PHLPP1: variants seen among roughly 807,000 people sequenced by gnomAD.
PHLPP1 encodes the protein PH domain and leucine rich repeat protein phosphatase 1, also known as PH domain leucine-rich repeat-containing protein phosphatase 1.
A neutral mutation model predicts 117.2 loss-of-function variants in PHLPP1; 42 were observed. That is an observed-to-expected ratio of 0.36 (90% CI 0.28 to 0.46). The LOEUF (loss-of-function observed/expected upper bound fraction) is 0.46, where lower values mean the gene tolerates loss of function less well. Among genes scored for constraint, PHLPP1 ranks in the 20% least tolerant of loss-of-function variants. The probability of loss-of-function intolerance (pLI) is 1.00; values close to 1 mark genes in which losing one functional copy is unlikely to be tolerated. For missense variants in PHLPP1, 2,084 were observed against 2,241.9 expected, an observed-to-expected ratio of 0.93 and a Z score of 1.42; for synonymous variants, 1,042 against 970.7, an observed-to-expected ratio of 1.07 and a Z score of -1.37.
intron 10 of PHLPP1, among the ~76,000 whole-genome samples, chr18:62,928,096 G>A (rs560169): frequency 0.59 from 89,791 of 151,894 alleles, 26,757 homozygotes; most frequent in Middle Eastern, 0.68. Flanking sequence ...GATTGACTCA[G>A]GGTTTTTATA....
chr18:62,835,757 G>C (rs1370811372), intron 2 of PHLPP1, among the ~76,000 whole-genome samples: 1 of 149,050 alleles, frequency 6.7e-6, no homozygotes, highest in Middle Eastern at 3.2e-3. Context: ...TTCTTTATCT[G>C]AGGTAAATTC....
At chr18:62,963,303 A>G in intron 13 of PHLPP1, 65 bp from the exon 14 acceptor site, 1 of 1,044,830 alleles carries the variant, frequency 9.6e-7, no homozygotes, top group Admixed American at 2.0e-5. Context: ...TTTCTTGGAT[A>G]AAGGTAGCAA....
chr18:62,963,382 T>G lies in PHLPP1; in HGVS notation c.3470T>G (p.Phe1157Cys). ...TLELLNNIRC[F>C]KIDQPSTGDA... ...TCTCTTGTTAGTAATATCCGCTGTT[T>G]CAAGATTGATCAGCCTTCTACAGGA... The change falls in exon 14 of 17, where the codon TTC (phenylalanine) becomes TGC (cysteine). Residue 1157 changes from phenylalanine (F) to cysteine (C), a missense_variant. This residue lies in a region of PHLPP1 where 1,365 missense variants were observed against 1,605.9 expected (regional missense o/e 0.85). Coordinates refer to ENST00000262719, the MANE Select transcript of PHLPP1 (RefSeq NM_194449.4). The G allele has an allele frequency of 6.2e-7, 1 of 1,612,148 alleles. No homozygotes were observed. The highest frequency in any genetic ancestry group is 1.3e-5 in the African/African-American group (1 of 75,018).
chr18:62,744,331 G>A (rs12956953), intron 1 of PHLPP1, among the ~76,000 whole-genome samples: 8,332 of 152,294 alleles, frequency 0.055, 254 homozygotes, highest in Non-Finnish European at 0.07. Context: ...GAGGAACAGA[G>A]ATTACCTTTA....
chr18:62,836,741 T>TAA (rs547024910), intron 2 of PHLPP1, among the ~76,000 whole-genome samples: 18 of 139,210 alleles, frequency 1.3e-4, no homozygotes, highest in East Asian at 1.0e-3. Flanking sequence ...TTTGAGACAT[T>TAA]AAAAAAAAAA....
intron 1 of PHLPP1, among the ~76,000 whole-genome samples, chr18:62,773,652 C>T (rs1048842997): frequency 6.6e-6 from 1 of 152,170 alleles, no homozygotes; most frequent in African/African-American, 2.4e-5. Flanking sequence ...GTATCTCCAC[C>T]CTAAATGTTG....
In PHLPP1 at chr18:62,716,226, C is replaced by A. The variant is rs1417128182; in HGVS notation, c.543C>A (p.His181Gln). 1 of 1,528,548 alleles carries A rather than the reference C, an allele frequency of 6.5e-7. No individual in the cohort carries two copies. Among genetic ancestry groups the A allele is most frequent in the African/African-American group, 1.4e-5 (1 of 72,098 alleles). The allele number at this position is 1,528,548 out of a possible 1,614,324, so 94.7% of individuals were successfully genotyped here. A position where few individuals can be genotyped will look rare whatever the true frequency, so the allele number is the denominator to read the frequency against. ...ACAGGAAGACGCTGCTTCTGAAGCA[C>A]CGGCAGACGCTGCAGCTGCAGCCGT... ...SLDRKTLLLKHRQTLQLQPSD... is the reference protein window; with the variant it reads ...SLDRKTLLLKQRQTLQLQPSD... The change falls in exon 1 of 17, where the codon CAC (histidine) becomes CAA (glutamine). Residue 181 changes from histidine (H) to glutamine (Q), a missense_variant. Physicochemically the swap from His to Gln is conservative, Grantham distance 24 (BLOSUM62 0). This residue lies in a region of PHLPP1 where 719 missense variants were observed against 636.0 expected (regional missense o/e 1.13). Transcript: ENST00000262719. This position sits in a 1 kb window ranked among gnomAD's most constrained non-coding sequence, Gnocchi z 5.7.
chr18:62,792,868 C>CAAAAAAAAAA (rs71160870), intron 1 of PHLPP1, among the ~76,000 whole-genome samples: 8 of 56,846 alleles, frequency 1.4e-4, no homozygotes, highest in African/African-American at 6.1e-4. Flanking sequence ...GCCTCTGTCT[C>CAAAAAAAAAA]AAAAAAAAAA....
chr18:62,827,177 A>C (rs1914633370), intron 1 of PHLPP1, among the ~76,000 whole-genome samples: 2 of 152,198 alleles, frequency 1.3e-5, no homozygotes, highest in African/African-American at 4.8e-5. Context: ...TATGTTTTCA[A>C]ATCACTCTCT....
At chr18:62,920,167 G>A in intron 10 of PHLPP1, 53 bp downstream of exon 10, 1 of 1,508,584 alleles carries the variant, frequency 6.6e-7, no homozygotes. Flanking sequence ...TCCCTCATTT[G>A]TATCTTTGTC....
intron 3 of PHLPP1, among the ~76,000 whole-genome samples, chr18:62,855,732 A>G (rs1915479205): frequency 6.6e-6 from 1 of 152,224 alleles, no homozygotes; most frequent in Non-Finnish European, 1.5e-5. Flanking sequence ...AGCCAATACA[A>G]CTTGATGTTA....
At chr18:62,839,133 A>G (rs767047039) in intron 3 of PHLPP1, 4 of 489,388 alleles carry the variant, frequency 8.2e-6, no homozygotes, top group Admixed American at 3.4e-5. Flanking sequence ...TTAAAAATAA[A>G]TTGGTCTGTA....
intron 1 of PHLPP1, among the ~76,000 whole-genome samples, chr18:62,724,318 C>T (rs1247934581): frequency 6.6e-6 from 1 of 152,170 alleles, no homozygotes; most frequent in Non-Finnish European, 1.5e-5. Flanking sequence ...GTAAAATTTG[C>T]TGGCTAGTTA....
At chr18:62,829,752 A>G (rs1914706514) in intron 1 of PHLPP1, among the ~76,000 whole-genome samples, 1 of 151,376 alleles carries the variant, frequency 6.6e-6, no homozygotes, top group South Asian at 2.1e-4. Flanking sequence ...ACTCCATCTC[A>G]AAAAAAAAGA....
At chr18:62,788,082 A>G (rs1470848761) in intron 1 of PHLPP1, among the ~76,000 whole-genome samples, 2 of 152,244 alleles carry the variant, frequency 1.3e-5, no homozygotes, top group Non-Finnish European at 2.9e-5. Context: ...ATAATACATC[A>G]ATGAAGACGT....
rs772710969 is a variant in PHLPP1, at chr18:62,905,266, C to T, written c.2690C>T (p.Ser897Phe). 6 of 1,521,802 alleles carry T rather than the reference C, an allele frequency of 3.9e-6. No individual in the cohort carries two copies. Among genetic ancestry groups the T allele is most frequent in the African/African-American group, 1.4e-5 (1 of 72,088 alleles). 94.3% of individuals were successfully genotyped at this position (1,521,802 alleles called of 1,614,324 possible). A position where few individuals can be genotyped will look rare whatever the true frequency, so the allele number is the denominator to read the frequency against. ...LDVYPVPNYL[S>F]YMDVSRNRLE... ...GTTTACCCAGTTCCAAATTATCTGT[C>T]CTACATGGATGTTTCAAGGTAAGAA... Residue 897 changes from serine (S) to phenylalanine (F), a missense_variant, in exon 8 of 17, where the codon TCC (serine) becomes TTC (phenylalanine). Physicochemically the swap from Ser to Phe is radical, Grantham distance 155. This residue lies in a region of PHLPP1 where 1,365 missense variants were observed against 1,605.9 expected (regional missense o/e 0.85). Coordinates refer to ENST00000262719, the MANE Select transcript of PHLPP1 (RefSeq NM_194449.4).
At chr18:62,898,160 T>C (rs1254325383) in intron 6 of PHLPP1, among the ~76,000 whole-genome samples, 1 of 152,200 alleles carries the variant, frequency 6.6e-6, no homozygotes, top group East Asian at 1.9e-4. Flanking sequence ...TTCCCCAGTC[T>C]TTCCCTATTC....
At chr18:62,781,864 A>G (rs975404151) in intron 1 of PHLPP1, among the ~76,000 whole-genome samples, 1 of 152,206 alleles carries the variant, frequency 6.6e-6, no homozygotes, top group Non-Finnish European at 1.5e-5. Context: ...CATATGAGAA[A>G]TTTTTAGCTG....
chr18:62,964,675 T>C (rs879843803), intron 14 of PHLPP1, among the ~76,000 whole-genome samples: 2 of 152,198 alleles, frequency 1.3e-5, no homozygotes, highest in Non-Finnish European at 2.9e-5. Flanking sequence ...GTCATTGTGT[T>C]GGGACAGAGG....
Sources: allele counts gnomAD v4.1 joint callset (sites outside exome capture counted in the v4.1 genomes callset), GRCh38; gene constraint gnomAD v4.1.1; regional missense constraint gnomAD v4.1.1; non-coding constraint Gnocchi (gnomAD v3.1); transcripts MANE v1.5; gene names NCBI Gene and HGNC (gene_info 2026-07-23, HGNC 2026-07-21).